Variants in ATG13 observed in about 807,000 individuals in gnomAD.
ATG13 encodes the protein autophagy-related protein 13.
ATG13 carries 23 observed loss-of-function variants against 65.5 expected under a neutral mutation model. That is an observed-to-expected ratio of 0.35 (90% CI 0.25 to 0.50). The LOEUF (loss-of-function observed/expected upper bound fraction) is 0.50. ATG13 is among the 20% of genes least tolerant of loss of function. ATG13 has a pLI of 0.98. For missense variants in ATG13, 566 were observed against 677.0 expected, an observed-to-expected ratio of 0.84 and a Z score of 1.82; for synonymous variants, 252 against 245.2, an observed-to-expected ratio of 1.03 and a Z score of -0.26.
chr11:46,662,584 A>T (rs1459585814), intron 11 of ATG13, among the ~76,000 whole-genome samples: 5 of 152,164 alleles, frequency 3.3e-5, no homozygotes, highest in Non-Finnish European at 5.9e-5. Flanking sequence ...TGCACTCCAT[A>T]AGTGAGCCCT....
intron 1 of ATG13, among the ~76,000 whole-genome samples, chr11:46,624,851 A>G (rs1012999639): frequency 6.6e-6 from 1 of 152,110 alleles, no homozygotes; most frequent in Non-Finnish European, 1.5e-5. Flanking sequence ...TGAGCAACAT[A>G]GTGAGATGCT....
At chr11:46,633,395 C>T (rs987418895) in intron 2 of ATG13, among the ~76,000 whole-genome samples, 1 of 151,626 alleles carries the variant, frequency 6.6e-6, no homozygotes, top group Non-Finnish European at 1.5e-5. Context: ...GTTGCCTAGG[C>T]TGGAGTGCAA....
At chr11:46,643,693 C>T (rs1276722102) in intron 2 of ATG13, among the ~76,000 whole-genome samples, 1 of 151,346 alleles carries the variant, frequency 6.6e-6, no homozygotes, top group African/African-American at 2.4e-5. Context: ...TTGGCTCAAG[C>T]AGTCCTCCTG....
At chr11:46,633,698 CTACTCGAGAGGCTTAAGTGGGAGGAT>C (rs1283622667) in intron 2 of ATG13, among the ~76,000 whole-genome samples, 7 of 152,024 alleles carry the variant, frequency 4.6e-5, no homozygotes, top group African/African-American at 1.7e-4. Context: ...ATAGTCCCAG[CTACTCGAGAGGCTTAAGTGGGAGGAT>C]TGCTTGAGGC....
intron 7 of ATG13, among the ~76,000 whole-genome samples, chr11:46,655,728 A>T (rs1663282521): frequency 6.6e-6 from 1 of 152,086 alleles, no homozygotes; most frequent in African/African-American, 2.4e-5. Context: ...GTTTCCACTT[A>T]ATTATTATTT....
At chr11:46,653,507 G>A (rs974742192) in intron 7 of ATG13, among the ~76,000 whole-genome samples, 3 of 150,774 alleles carry the variant, frequency 2.0e-5, no homozygotes, top group Non-Finnish European at 4.4e-5. Context: ...ACTGTAGTCT[G>A]TAAGACCTAG....
intron 10 of ATG13, among the ~76,000 whole-genome samples, chr11:46,658,535 ATTT>A (rs912148307): frequency 7.1e-6 from 1 of 141,718 alleles, no homozygotes; most frequent in African/African-American, 2.6e-5. Flanking sequence ...GTTTCTACCA[ATTT>A]TTTTTTTTTT....
chr11:46,672,543 A>C lies in ATG13; in HGVS notation c.*211A>C. ...CCCAGTGCCCAGTTGGAGAAGACTC[A>C]CGTGCTGGCCTTGGAGATGGGAAGA... On this transcript the variant is annotated 3_prime_UTR_variant, in exon 19 of 19. Coordinates refer to ENST00000683050, the MANE Select transcript of ATG13 (RefSeq NM_001346311.2). 2.1e-6 allele frequency: 3 copies of C among 1,452,610 alleles called. No individual in the cohort carries two copies. The highest frequency in any genetic ancestry group is 2.7e-6 in the Non-Finnish European group (3 of 1,101,266). The allele number at this position is 1,452,610 out of a possible 1,614,324, so 90.0% of individuals were successfully genotyped here.
chr11:46,646,754 T>C (rs2057666790), intron 5 of ATG13, among the ~76,000 whole-genome samples: 1 of 152,044 alleles, frequency 6.6e-6, no homozygotes, highest in Non-Finnish European at 1.5e-5. Flanking sequence ...CGTGAGCTAC[T>C]GCGCCTGGCC....
At chr11:46,668,469 C>T (rs2062906995) in intron 15 of ATG13, 30 bp from the exon 16 acceptor site, 3 of 1,601,482 alleles carry the variant, frequency 1.9e-6, no homozygotes, top group Non-Finnish European at 2.6e-6. Context: ...GAGGGGCAGG[C>T]ATGAATGCTT....
chr11:46,645,779 C>T (rs1166297468), intron 4 of ATG13, 91 bp from the exon 5 acceptor site: 5 of 1,530,840 alleles, frequency 3.3e-6, no homozygotes, highest in Non-Finnish European at 4.5e-6. Context: ...TAATCAGCCA[C>T]AGCAATACTT....
chr11:46,666,421 G>C (rs1246301842), intron 14 of ATG13, among the ~76,000 whole-genome samples: 1 of 152,154 alleles, frequency 6.6e-6, no homozygotes, highest in African/African-American at 2.4e-5. Flanking sequence ...TCCTTTTTCT[G>C]CTGTGTCAGA....
chr11:46,637,124 T>C (rs1352398348), intron 2 of ATG13, among the ~76,000 whole-genome samples: 1 of 152,156 alleles, frequency 6.6e-6, no homozygotes, highest in African/African-American at 2.4e-5. Context: ...GAGGAAACTT[T>C]TGGGAACTAT....
At chr11:46,621,274 A>C (rs2047418837) in intron 1 of ATG13, 1 of 152,182 alleles carries the variant, frequency 6.6e-6, no homozygotes, top group South Asian at 2.1e-4. Context: ...TGGCCTCCCA[A>C]AGTGCTGGAA....
At chr11:46,622,076 CATATAT>C (rs58391951) in intron 1 of ATG13, among the ~76,000 whole-genome samples, 3,318 of 70,860 alleles carry the variant, frequency 0.047, 62 homozygotes, top group Non-Finnish European at 0.065. Context: ...TATTTATTTA[CATATAT>C]ATATATATAT....
intron 10 of ATG13, among the ~76,000 whole-genome samples, chr11:46,658,170 G>T (rs1199501195): frequency 6.6e-6 from 1 of 152,130 alleles, no homozygotes; most frequent in Non-Finnish European, 1.5e-5. Flanking sequence ...TGGTTTTCAG[G>T]TTACCATCTG....
chr11:46,657,732 G>GTCT, intron 10 of ATG13, 110 bp downstream of exon 10: 1 of 957,906 alleles, frequency 1.0e-6, no homozygotes, highest in Non-Finnish European at 1.5e-6. Context: ...TGGGCAGGGG[G>GTCT]CCACTGATGG....
intron 5 of ATG13, chr11:46,648,785 A>AG (rs1269057037): frequency 6.3e-6 from 1 of 159,026 alleles, no homozygotes; most frequent in Non-Finnish European, 1.4e-5. Context: ...TTTAAAAAAA[A>AG]AAAAAAAAAA....
chr11:46,644,201 A>G lies in ATG13; in HGVS notation c.-13-78A>G, dbSNP rs1025022959. 17 of 1,134,122 alleles carry G rather than the reference A, an allele frequency of 1.5e-5. No homozygotes were observed. The African/African-American group carries it at 2.4e-4, about 16-fold the overall frequency. The allele number at this position is 1,134,122 out of a possible 1,614,324, so 70.3% of individuals were successfully genotyped here. On this transcript the variant is annotated intron_variant, in intron 2 of 18. Transcript: ENST00000683050. ...ATGATTATTCCTAGGCTAGTAGACA[A>G]TACCATCTCTGTATGCTTTGATGTA...
Sources: allele counts gnomAD v4.1 joint callset (sites outside exome capture counted in the v4.1 genomes callset), GRCh38; gene constraint gnomAD v4.1.1; transcripts MANE v1.5; gene names NCBI Gene and HGNC (gene_info 2026-07-23, HGNC 2026-07-21).